The following LNPEP variants were observed in gnomAD, a reference collection of about 807,000 sequenced individuals.
LNPEP encodes leucyl-cystinyl aminopeptidase.
LNPEP carries 64 observed loss-of-function variants against 120.6 expected under a neutral mutation model. The observed-to-expected ratio is 0.53, with a 90% CI of 0.43 to 0.65. The LOEUF (loss-of-function observed/expected upper bound fraction) is 0.65. LNPEP is among the 30% of genes least tolerant of loss of function. LNPEP has a pLI of 0.00. For missense variants in LNPEP, 1,057 were observed against 1,200.0 expected (o/e 0.88, Z 1.76); for synonymous variants, 435 against 425.4 (o/e 1.02, Z -0.28).
intron 1 of LNPEP, among the ~76,000 whole-genome samples, chr5:96,964,990 A>G (rs1789693641): frequency 6.6e-6 from 1 of 152,156 alleles, no homozygotes; most frequent in Admixed American, 6.6e-5. Flanking sequence ...AATTGATGTG[A>G]CATTTTGATA....
At position 97,013,736 on chromosome 5, in the gene LNPEP, T is replaced by G; in HGVS notation, c.2124T>G (p.Asp708Glu). The G allele has an allele frequency of 1.2e-6, 2 of 1,610,926 alleles. No homozygotes were observed. Among genetic ancestry groups the G allele is most frequent in the South Asian group, 1.1e-5 (1 of 90,780 alleles). The change falls in exon 12 of 18, where the codon GAT becomes GAG. Residue 708 changes from aspartate to glutamate, a missense_variant. Transcript: ENST00000231368. ...ATATTGTACACTATGCAGATGATGA[T>G]TGGGAAGCACTAATCCATCAGTTGA... ...GYYIVHYADD[D>E]WEALIHQLKI...
chr5:96,954,560 G>A (rs1304033243), intron 1 of LNPEP, among the ~76,000 whole-genome samples: 4 of 149,028 alleles, frequency 2.7e-5, no homozygotes, highest in Non-Finnish European at 5.9e-5. Flanking sequence ...TCAGAGTGCT[G>A]AAGTGTTGCA....
chr5:96,941,095 A>G (rs1011184313), intron 1 of LNPEP, among the ~76,000 whole-genome samples: 5 of 152,212 alleles, frequency 3.3e-5, no homozygotes, highest in African/African-American at 1.2e-4. Context: ...AGACAGTCCC[A>G]TCTAGGAGTG....
At chr5:97,019,246 T>C (rs1355584575) in intron 13 of LNPEP, among the ~76,000 whole-genome samples, 1 of 152,204 alleles carries the variant, frequency 6.6e-6, no homozygotes, top group Non-Finnish European at 1.5e-5. Context: ...CATTTCACTT[T>C]GTAAAATCAT....
At chr5:96,940,182 T>C (rs1789018972) in intron 1 of LNPEP, among the ~76,000 whole-genome samples, 1 of 152,208 alleles carries the variant, frequency 6.6e-6, no homozygotes, top group South Asian at 2.1e-4. Flanking sequence ...AAAAGTTCTT[T>C]GCTATTACTT....
intron 1 of LNPEP, among the ~76,000 whole-genome samples, chr5:96,975,098 C>T (rs907519063): frequency 6.6e-6 from 1 of 152,120 alleles, no homozygotes; most frequent in Non-Finnish European, 1.5e-5. Flanking sequence ...AGCACTGTTT[C>T]CCACATTTAT....
chr5:96,968,170 G>A (rs899554170), intron 1 of LNPEP, among the ~76,000 whole-genome samples: 3 of 152,108 alleles, frequency 2.0e-5, no homozygotes, highest in African/African-American at 7.2e-5. Context: ...GGGGCTGCCA[G>A]TGGTGTGTAG....
chr5:96,964,225 T>A (rs1379581225), intron 1 of LNPEP, among the ~76,000 whole-genome samples: 1 of 152,064 alleles, frequency 6.6e-6, no homozygotes. Flanking sequence ...CTGATTTCAC[T>A]GTCGTGGATC....
chr5:96,963,119 C>T (rs538768598), intron 1 of LNPEP, among the ~76,000 whole-genome samples: 2 of 152,244 alleles, frequency 1.3e-5, no homozygotes, highest in South Asian at 4.1e-4. Flanking sequence ...TGCATGTGTT[C>T]CCATTTCAAA....
intron 1 of LNPEP, among the ~76,000 whole-genome samples, chr5:96,959,705 A>G (rs1789552805): frequency 6.6e-6 from 1 of 152,088 alleles, no homozygotes; most frequent in East Asian, 1.9e-4. Flanking sequence ...TTAAAATTTG[A>G]TTTAGCTAAA....
chr5:96,940,326 G>T (rs563080434), intron 1 of LNPEP, among the ~76,000 whole-genome samples: 81 of 152,130 alleles, frequency 5.3e-4, no homozygotes, highest in Admixed American at 1.0e-3. Context: ...CAGAGAGATT[G>T]GTTATAAGGA....
intron 2 of LNPEP, among the ~76,000 whole-genome samples, chr5:96,982,412 A>G (rs900498377): frequency 6.6e-6 from 1 of 152,246 alleles, no homozygotes; most frequent in African/African-American, 2.4e-5. Context: ...TTCAGCATAG[A>G]TAGAACAGGT....
At position 97,006,487 on chromosome 5, in the gene LNPEP, A is replaced by T; in HGVS notation, c.2007A>T (p.Gln669His). Reference sequence around the variant, plus strand: ...AAGGAAGAAATTATTCAAAATATCAATCGGTATCATTACTGGATAAGAAAT... The same window carrying T: ...AAGGAAGAAATTATTCAAAATATCATTCGGTATCATTACTGGATAAGAAAT... ...VTEGRNYSKY[Q>H]SVSLLDKKSG... The change falls in exon 11 of 18, where the codon CAA becomes CAT. Residue 669 changes from glutamine to histidine, a missense_variant. Transcript: ENST00000231368. 6.4e-7 allele frequency: 1 copy of T among 1,561,638 alleles called. No homozygotes were observed. Among genetic ancestry groups the T allele is most frequent in the Non-Finnish European group, 8.8e-7 (1 of 1,132,778 alleles).
chr5:96,953,876 G>T (rs1789379571), intron 1 of LNPEP, among the ~76,000 whole-genome samples: 1 of 152,182 alleles, frequency 6.6e-6, no homozygotes, highest in Non-Finnish European at 1.5e-5. Flanking sequence ...ATAATGCAAA[G>T]GTTATTTTTG....
intron 15 of LNPEP, among the ~76,000 whole-genome samples, chr5:97,025,068 T>G (rs943577714): frequency 6.6e-6 from 1 of 152,188 alleles, no homozygotes; most frequent in African/African-American, 2.4e-5. Flanking sequence ...TATTAAACCT[T>G]CTAGGTTCTA....
chr5:96,992,496 T>C (rs1378340322), intron 4 of LNPEP, among the ~76,000 whole-genome samples: 1 of 152,196 alleles, frequency 6.6e-6, no homozygotes, highest in Non-Finnish European at 1.5e-5. Context: ...ATATGCAATT[T>C]ATGCCTTATA....
At chr5:96,997,723 G>C (rs1168631498) in intron 7 of LNPEP, among the ~76,000 whole-genome samples, 1 of 152,050 alleles carries the variant, frequency 6.6e-6, no homozygotes, top group Non-Finnish European at 1.5e-5. Flanking sequence ...GATACTCAGA[G>C]TTGGCATTTG....
chr5:96,985,862 G>T (rs188090762), intron 3 of LNPEP, among the ~76,000 whole-genome samples: 1 of 152,054 alleles, frequency 6.6e-6, no homozygotes, highest in East Asian at 1.9e-4. Flanking sequence ...TACCCAGCAG[G>T]CTATGGAGCC....
chr5:96,969,840 T>A (rs1456142942), intron 1 of LNPEP, among the ~76,000 whole-genome samples: 3 of 151,688 alleles, frequency 2.0e-5, no homozygotes, highest in African/African-American at 7.2e-5. Flanking sequence ...TTTCCCAATA[T>A]AGGCATTTAA....
Sources: allele counts gnomAD v4.1 joint callset (sites outside exome capture counted in the v4.1 genomes callset), GRCh38; gene constraint gnomAD v4.1.1; transcripts MANE v1.5; gene names NCBI Gene and HGNC (gene_info 2026-07-23, HGNC 2026-07-21).